The following ALG6 variants were observed in gnomAD, a reference collection of about 807,000 sequenced individuals.
The protein encoded by ALG6 is ALG6 alpha-1,3-glucosyltransferase, also known as dolichyl pyrophosphate Man9GlcNAc2 alpha-1,3-glucosyltransferase.
ALG6 carries 46 observed loss-of-function variants against 66.6 expected under a neutral mutation model. That is an observed-to-expected ratio of 0.69 (90% CI 0.55 to 0.88). The LOEUF (loss-of-function observed/expected upper bound fraction) is 0.88. ALG6 is among the 40% of genes least tolerant of loss of function. The pLI is 0.00. For synonymous variants in ALG6, 185 were observed against 203.7 expected, an observed-to-expected ratio of 0.91 and a Z score of 0.78; for missense variants, 505 against 586.8, an observed-to-expected ratio of 0.86 and a Z score of 1.44.
At chr1:63,383,717 A>G in intron 2 of ALG6, among the ~76,000 whole-genome samples, 1 of 152,186 alleles carries the variant, frequency 6.6e-6, no homozygotes, top group Admixed American at 6.5e-5. Context: ...AAATGGTAAA[A>G]TAAATTATTG....
chr1:63,413,992 C>T, intron 9 of ALG6, 69 bp from the exon 10 acceptor site: 1 of 1,172,028 alleles, frequency 8.5e-7, no homozygotes, highest in South Asian at 1.2e-5. Flanking sequence ...AGATTATGGG[C>T]TGTACTTCAT....
intron 2 of ALG6, among the ~76,000 whole-genome samples, chr1:63,378,606 T>C (rs1648205533): frequency 6.6e-6 from 1 of 152,182 alleles, no homozygotes; most frequent in Non-Finnish European, 1.5e-5. Flanking sequence ...GGGCTGGTGA[T>C]GCTGCAGAGA....
intron 10 of ALG6, 125 bp from the exon 11 acceptor site, chr1:63,415,748 A>G: frequency 1.7e-6 from 1 of 582,662 alleles, no homozygotes; most frequent in Non-Finnish European, 3.0e-6. Flanking sequence ...AAATAAAAAT[A>G]TAGTTTGAAA....
At chr1:63,407,519 T>C (rs1369141225) in intron 7 of ALG6, among the ~76,000 whole-genome samples, 1 of 152,142 alleles carries the variant, frequency 6.6e-6, no homozygotes, top group Non-Finnish European at 1.5e-5. Context: ...AAATTTTTTT[T>C]CTATCAGATA....
intron 2 of ALG6, among the ~76,000 whole-genome samples, chr1:63,371,665 C>T (rs965675513): frequency 2.6e-5 from 4 of 151,768 alleles, no homozygotes; most frequent in South Asian, 2.1e-4. Context: ...AGTTCAGTGG[C>T]GCAATCTTGG....
chr1:63,424,016 T>TAG (rs1259016999), intron 12 of ALG6, among the ~76,000 whole-genome samples: 1 of 152,242 alleles, frequency 6.6e-6, no homozygotes, highest in Non-Finnish European at 1.5e-5. Flanking sequence ...TGCTAGTGGA[T>TAG]ATGAGTGGTA....
chr1:63,390,488 C>T (rs749165120), intron 2 of ALG6, among the ~76,000 whole-genome samples: 5 of 152,184 alleles, frequency 3.3e-5, no homozygotes, highest in Non-Finnish European at 5.9e-5. Context: ...GATGCAAGCA[C>T]TCCCTTGGCT....
intron 12 of ALG6, 114 bp downstream of exon 12, chr1:63,419,554 A>G (rs781045032): frequency 2.6e-6 from 2 of 767,260 alleles, no homozygotes; most frequent in Non-Finnish European, 3.9e-6. Flanking sequence ...ATATCTTTGC[A>G]TAAAATGATT....
chr1:63,383,705 A>T (rs1416121411), intron 2 of ALG6, among the ~76,000 whole-genome samples: 1 of 152,222 alleles, frequency 6.6e-6, no homozygotes. Flanking sequence ...TCAGTTATTT[A>T]AAAATGGTAA....
At chr1:63,401,503 T>G (rs191059383) in intron 3 of ALG6, among the ~76,000 whole-genome samples, 2,055 of 150,954 alleles carry the variant, frequency 0.014, 36 homozygotes, top group African/African-American at 0.048. Flanking sequence ...CCGTCTCTAC[T>G]AAAAATACAA....
At chr1:63,414,399 C>T (rs1644531924) in intron 10 of ALG6, among the ~76,000 whole-genome samples, 1 of 151,854 alleles carries the variant, frequency 6.6e-6, no homozygotes, top group Non-Finnish European at 1.5e-5. Context: ...TTACAGGCGC[C>T]CGCCACATGG....
intron 12 of ALG6, 132 bp downstream of exon 12, chr1:63,419,572 C>A: frequency 1.4e-6 from 1 of 721,114 alleles, no homozygotes; most frequent in Non-Finnish European, 2.1e-6. Context: ...ATTTCATAGT[C>A]AGGTTTTTTT....
chr1:63,396,701 A>C, intron 3 of ALG6, 104 bp downstream of exon 3: 7 of 988,030 alleles, frequency 7.1e-6, no homozygotes, highest in East Asian at 2.6e-5. Flanking sequence ...GAACATCCTC[A>C]TCTCTTGCAT....
chr1:63,408,455 G>C (rs539346409), intron 7 of ALG6, among the ~76,000 whole-genome samples: 1 of 152,274 alleles, frequency 6.6e-6, no homozygotes, highest in South Asian at 2.1e-4. Flanking sequence ...TTGTTTCCCA[G>C]TTTGGGCCAT....
chr1:63,377,178 T>C (rs1354545661), intron 2 of ALG6, among the ~76,000 whole-genome samples: 1 of 152,094 alleles, frequency 6.6e-6, no homozygotes, highest in East Asian at 1.9e-4. Flanking sequence ...GCCAGGCTGG[T>C]CTTGAACTCC....
intron 12 of ALG6, among the ~76,000 whole-genome samples, chr1:63,426,545 G>A (rs1311807675): frequency 3.3e-5 from 5 of 152,134 alleles, no homozygotes; most frequent in African/African-American, 1.2e-4. Context: ...GTGCTTATAT[G>A]TAGTAAGTTT....
chr1:63,403,216 C>T (rs1042700911), intron 4 of ALG6, among the ~76,000 whole-genome samples: 2 of 151,352 alleles, frequency 1.3e-5, no homozygotes, highest in Non-Finnish European at 2.9e-5. Flanking sequence ...GAGATGTTAT[C>T]CATATGTGTA....
At chr1:63,434,788 A>C (rs1394584998) in intron 14 of ALG6, among the ~76,000 whole-genome samples, 2 of 152,192 alleles carry the variant, frequency 1.3e-5, no homozygotes, top group Non-Finnish European at 1.5e-5. Flanking sequence ...TTGGTAATTA[A>C]AGTCATATTA....
intron 2 of ALG6, among the ~76,000 whole-genome samples, chr1:63,391,552 T>C (rs1349563741): frequency 6.6e-6 from 1 of 152,216 alleles, no homozygotes; most frequent in Non-Finnish European, 1.5e-5. Flanking sequence ...GGATGGTCAG[T>C]TCTTCCTGCA....
Sources: gnomAD v4.1 joint callset for allele counts (sites outside exome capture counted in the v4.1 genomes callset) on GRCh38, gnomAD v4.1.1 for gene constraint, MANE v1.5 for transcripts, NCBI Gene and HGNC (gene_info 2026-07-23, HGNC 2026-07-21) for gene names.